The following PDCD11 variants were observed in gnomAD, a reference collection of about 807,000 sequenced individuals.
The protein encoded by PDCD11 is programmed cell death 11.
In PDCD11, 97 loss-of-function variants were observed where a neutral mutation model predicts 198.9. The ratio of observed to expected loss-of-function variants is 0.49; its 90% confidence interval spans 0.41 to 0.58. The LOEUF is 0.58. Among genes scored for constraint, PDCD11 ranks in the 20% least tolerant of loss-of-function variants. The pLI, the probability that PDCD11 is intolerant of heterozygous loss-of-function variation, is 0.00. For missense variants in PDCD11, 2,102 were observed against 2,312.7 expected (o/e 0.91, Z 1.87); for synonymous variants, 893 against 918.0 (o/e 0.97, Z 0.49).
Position 103,445,883 on chromosome 10 carries a change from G to A in PDCD11, c.*334G>A, listed in dbSNP as rs1262649008. The A allele has an allele frequency of 4.0e-6, 1 of 249,024 alleles. No individual in the cohort carries two copies. 15.4% of individuals were successfully genotyped at this position (249,024 alleles called of 1,614,324 possible). A position where few individuals can be genotyped will look rare whatever the true frequency, so the allele number is the denominator to read the frequency against. ...GCAAGAGTAGAGGGGCTATTCCCGA[G>A]GGTCCTGTGGTCAGGGTCCTGCTTT... On this transcript the variant is annotated 3_prime_UTR_variant, in exon 36 of 36. Coordinates refer to ENST00000369797, the MANE Select transcript of PDCD11 (RefSeq NM_014976.2).
At chr10:103,408,647 TC>T (rs1184248414) in intron 7 of PDCD11, among the ~76,000 whole-genome samples, 4 of 152,062 alleles carry the variant, frequency 2.6e-5, no homozygotes, top group Non-Finnish European at 5.9e-5. Context: ...TTCAAGTGAT[TC>T]TCCTGCGTTA....
chr10:103,407,109 G>A (rs1217867563), intron 7 of PDCD11, among the ~76,000 whole-genome samples: 2 of 152,178 alleles, frequency 1.3e-5, no homozygotes, highest in African/African-American at 4.8e-5. Flanking sequence ...GAATTAAAAG[G>A]TTTATAATGA....
Position 103,440,804 on chromosome 10 carries a change from A to G in PDCD11, c.4511A>G (p.Tyr1504Cys), listed in dbSNP as rs781762069. Residue 1504 changes from tyrosine to cysteine, a missense_variant, in exon 30 of 36, where the codon TAT (tyrosine) becomes TGT (cysteine). Physicochemically the swap from Tyr to Cys is radical, Grantham distance 194. Transcript: ENST00000369797. Reference protein sequence around the residue: ...EEDDSLVDVYYREGKEEAEET... With the variant: ...EEDDSLVDVYCREGKEEAEET... ...GACGACAGCCTTGTGGACGTGTACT[A>G]TCGGGAGGGAAAAGAGGAGGCAGAA... 2 of 1,614,032 alleles carry G rather than the reference A, an allele frequency of 1.2e-6. No individual in the cohort carries two copies. The highest frequency in any genetic ancestry group is 8.5e-7 in the Non-Finnish European group (1 of 1,179,960).
intron 8 of PDCD11, 115 bp downstream of exon 8, chr10:103,409,921 G>A: frequency 2.8e-6 from 2 of 719,038 alleles, no homozygotes; most frequent in Non-Finnish European, 4.9e-6. Flanking sequence ...TGTGCAGAGA[G>A]GAGATGAGAG....
intron 33 of PDCD11, among the ~76,000 whole-genome samples, 174 bp from the exon 34 acceptor site, chr10:103,443,741 C>T (rs958725574): frequency 2.0e-5 from 3 of 152,214 alleles, no homozygotes; most frequent in South Asian, 4.1e-4. Context: ...TGCCTGTTCA[C>T]GGTGCCCTTC....
intron 1 of PDCD11, among the ~76,000 whole-genome samples, chr10:103,398,002 C>T (rs2093446320): frequency 6.6e-6 from 1 of 152,178 alleles, no homozygotes; most frequent in African/African-American, 2.4e-5. Context: ...TTGCCTTATC[C>T]CTTCCTACAT....
rs765958215 is a variant in PDCD11 at position 103,414,064 on chromosome 10, T to C, written c.1284T>C (p.Asp428=). 7.4e-6 allele frequency: 12 copies of C among 1,613,214 alleles called. No homozygotes were observed. Among genetic ancestry groups the C allele is most frequent in the Non-Finnish European group, 9.3e-6 (11 of 1,179,792 alleles). The stretch of plus-strand genomic sequence containing the variant: ...GAATTATTGACTACAGCCAAATGGA[T>C]GAACTGGCCTTGCTCTCTCTACGAA... ...KCRIIDYSQM[D]ELALLSLRTS... The change falls in exon 10 of 36, where the codon GAT becomes GAC. Residue 428 remains aspartate (D), a synonymous_variant. Coordinates refer to ENST00000369797, the MANE Select transcript of PDCD11 (RefSeq NM_014976.2).
chr10:103,402,910 T>C (rs531547122), intron 3 of PDCD11, among the ~76,000 whole-genome samples: 10 of 151,886 alleles, frequency 6.6e-5, no homozygotes, highest in Non-Finnish European at 1.3e-4. Flanking sequence ...ATCTTTTTTT[T>C]TGGAGAAACT....
chr10:103,444,716 C>T (rs1425216311), intron 35 of PDCD11, 34 bp downstream of exon 35: 2 of 1,603,122 alleles, frequency 1.2e-6, no homozygotes, highest in Non-Finnish European at 1.7e-6. Flanking sequence ...CCGAGTTCCT[C>T]AGGAGAGGGC....
chr10:103,402,053 A>T (rs950385227), intron 3 of PDCD11, among the ~76,000 whole-genome samples: 1 of 152,100 alleles, frequency 6.6e-6, no homozygotes, highest in Non-Finnish European at 1.5e-5. Context: ...AAAACTAAAA[A>T]TTTTTTTACA....
At chr10:103,443,385 C>A in intron 33 of PDCD11, 52 bp downstream of exon 33, 1 of 1,516,384 alleles carries the variant, frequency 6.6e-7, no homozygotes, top group African/African-American at 1.4e-5. Flanking sequence ...GCCACAATCT[C>A]AGAGAAGAGC....
At chr10:103,428,462 T>C (rs1014818533) in intron 21 of PDCD11, among the ~76,000 whole-genome samples, 2 of 152,138 alleles carry the variant, frequency 1.3e-5, no homozygotes, top group African/African-American at 4.8e-5. Flanking sequence ...TGTGGTTTCT[T>C]AGTTTTGTAG....
chr10:103,422,055 TTTATTA>T (rs201558637), intron 17 of PDCD11, among the ~76,000 whole-genome samples: 3,666 of 127,380 alleles, frequency 0.029, 61 homozygotes, highest in South Asian at 0.033. Flanking sequence ...AGTGCACAAT[TTTATTA>T]TTATTATTAT....
chr10:103,416,730 T>C lies in PDCD11; in HGVS notation c.1758T>C (p.Phe586=). The C allele has an allele frequency of 6.2e-7, 1 of 1,613,684 alleles. No homozygotes were observed. The highest frequency in any genetic ancestry group is 8.5e-7 in the Non-Finnish European group (1 of 1,179,740). ...ATATCCCTGACCCGGAGAGAGTTTT[T>C]TACACTGGCCAGGTAACCCTTCCCC... ...TEYIPDPERV[F]YTGQVVKVVV... Residue 586 remains phenylalanine (F), a synonymous_variant, in exon 13 of 36, where the codon TTT becomes TTC. Transcript: ENST00000369797.
At chr10:103,406,582 T>C (rs774047539) in intron 6 of PDCD11, 27 bp from the exon 7 acceptor site, 1 of 1,602,246 alleles carries the variant, frequency 6.2e-7, no homozygotes. Flanking sequence ...ACATTTTTCC[T>C]TTTGGGGCCT....
rs200549783 is a variant in PDCD11, at chr10:103,440,796, C to T, written c.4503C>T (p.Asp1501=). The change falls in exon 30 of 36, where the codon GAC becomes GAT. Residue 1501 remains aspartate, a synonymous_variant. Coordinates refer to ENST00000369797, the MANE Select transcript of PDCD11 (RefSeq NM_014976.2). ...GLSEEDDSLV[D]VYYREGKEEA... ...CAGAGGAGGACGACAGCCTTGTGGA[C>T]GTGTACTATCGGGAGGGAAAAGAGG... The T allele has an allele frequency of 4.0e-5, 65 of 1,614,032 alleles. No homozygotes were observed. The East Asian group carries it at 7.4e-4, about 18-fold the overall frequency.
rs1028762372 is a variant in PDCD11, at chr10:103,423,582, T to C, written c.2687T>C (p.Ile896Thr). ...VESGQKKKVV[I>T]LNVDLLKLEV... ...TCTGGGCAGAAAAAGAAGGTTGTTA[T>C]CTTAAATGTTGATCTTTTGAAGTTG... Residue 896 changes from isoleucine to threonine, a missense_variant, in exon 19 of 36, where the codon ATC becomes ACC. Ile to Thr is a moderately conservative substitution (Grantham distance 89, BLOSUM62 -1). Transcript: ENST00000369797. The C allele has an allele frequency of 1.4e-5, 23 of 1,613,974 alleles. No individual in the cohort carries two copies. The highest frequency in any genetic ancestry group is 1.6e-4 in the Middle Eastern group (1 of 6,084).
intron 20 of PDCD11, among the ~76,000 whole-genome samples, chr10:103,426,144 A>G (rs1457969287): frequency 6.6e-6 from 1 of 152,200 alleles, no homozygotes; most frequent in Non-Finnish European, 1.5e-5. Flanking sequence ...GGCCATGGTG[A>G]AGACTGAAAG....
chr10:103,441,383 G>A (rs1473652228), intron 30 of PDCD11, among the ~76,000 whole-genome samples: 1 of 152,102 alleles, frequency 6.6e-6, no homozygotes, highest in South Asian at 2.1e-4. Flanking sequence ...TCAGCCTCCC[G>A]AGTAGCTGAG....
Sources: allele counts gnomAD v4.1 joint callset (sites outside exome capture counted in the v4.1 genomes callset), GRCh38; gene constraint gnomAD v4.1.1; transcripts MANE v1.5; gene names NCBI Gene and HGNC (gene_info 2026-07-23, HGNC 2026-07-21).